AFTPH: variants seen among roughly 807,000 people sequenced by gnomAD.
AFTPH encodes the protein aftiphilin protein.
A neutral mutation model predicts 72.5 loss-of-function variants in AFTPH; 7 were observed. The observed-to-expected ratio is 0.10, with a 90% CI of 0.05 to 0.18. AFTPH has a LOEUF of 0.18. Among genes scored for constraint, AFTPH ranks in the 10% least tolerant of loss-of-function variants. The pLI, the probability that AFTPH is intolerant of heterozygous loss-of-function variation, is 1.00. For missense variants in AFTPH, 979 were observed against 1,060.5 expected (o/e 0.92, Z 1.07); for synonymous variants, 337 against 370.1 (o/e 0.91, Z 1.03).
chr2:64,524,785 CTT>C (rs1669146999), intron 1 of AFTPH, among the ~76,000 whole-genome samples, 173 bp downstream of exon 1: 1 of 152,240 alleles, frequency 6.6e-6, no homozygotes, highest in Non-Finnish European at 1.5e-5. Context: ...GCTCTGCTCT[CTT>C]CTGCGGCGAG....
At chr2:64,550,677 GCACACACACACACACACACACACA>G (rs56139158) in intron 1 of AFTPH, among the ~76,000 whole-genome samples, 13 of 130,234 alleles carry the variant, frequency 1.0e-4, no homozygotes, top group South Asian at 2.6e-4. Context: ...CTGTACGCAT[GCACACACACACACACACACACACA>G]CACACACACA....
chr2:64,557,027 CA>C (rs1419633878), intron 2 of AFTPH, among the ~76,000 whole-genome samples: 3 of 152,150 alleles, frequency 2.0e-5, no homozygotes, highest in Non-Finnish European at 2.9e-5. Flanking sequence ...ACAACAACAA[CA>C]AAACCTTCCT....
At chr2:64,587,525 G>A (rs1673586410) in intron 8 of AFTPH, among the ~76,000 whole-genome samples, 1 of 152,130 alleles carries the variant, frequency 6.6e-6, no homozygotes, top group African/African-American at 2.4e-5. Context: ...CTTGAATAAA[G>A]TAAACTGCAA....
intron 2 of AFTPH, among the ~76,000 whole-genome samples, chr2:64,562,286 T>C (rs903408930): frequency 3.3e-5 from 5 of 152,040 alleles, no homozygotes; most frequent in Non-Finnish European, 5.9e-5. Flanking sequence ...TAAGATATAC[T>C]TTTATAAGTA....
intron 2 of AFTPH, among the ~76,000 whole-genome samples, chr2:64,556,134 C>T (rs1425507742): frequency 6.6e-6 from 1 of 152,036 alleles, no homozygotes; most frequent in East Asian, 1.9e-4. Flanking sequence ...ACTACAGGCC[C>T]ATGCCACCAC....
chr2:64,559,711 T>C (rs567811758), intron 2 of AFTPH, among the ~76,000 whole-genome samples: 92 of 152,268 alleles, frequency 6.0e-4, no homozygotes, highest in African/African-American at 2.1e-3. Flanking sequence ...TCGCGTTCTT[T>C]GGTTTGTTTT....
chr2:64,527,668 A>G (rs549617146), intron 1 of AFTPH, among the ~76,000 whole-genome samples: 13 of 152,344 alleles, frequency 8.5e-5, no homozygotes, highest in African/African-American at 3.1e-4. Flanking sequence ...GTATATTTAA[A>G]AAAAGGACAG....
At chr2:64,531,103 A>G (rs886171453) in intron 1 of AFTPH, among the ~76,000 whole-genome samples, 1 of 151,050 alleles carries the variant, frequency 6.6e-6, no homozygotes, top group Non-Finnish European at 1.5e-5. Flanking sequence ...GAAAAAAACC[A>G]TGCTTTTTAA....
chr2:64,540,854 T>C (rs7589703), intron 1 of AFTPH, among the ~76,000 whole-genome samples: 61,590 of 151,914 alleles, frequency 0.41, 12,652 homozygotes, highest in African/African-American at 0.48. Flanking sequence ...TTGGCATTTT[T>C]GTTGGTTATA....
At chr2:64,553,744 G>A (rs1470164476) in intron 2 of AFTPH, among the ~76,000 whole-genome samples, 1 of 147,566 alleles carries the variant, frequency 6.8e-6, no homozygotes, top group African/African-American at 2.5e-5. Flanking sequence ...CTAATTGACG[G>A]TTCCAGTCAA....
chr2:64,541,404 T>C (rs900087203), intron 1 of AFTPH, among the ~76,000 whole-genome samples: 1 of 152,142 alleles, frequency 6.6e-6, no homozygotes, highest in African/African-American at 2.4e-5. Context: ...TTAATTTCTG[T>C]TGTGCTAATA....
At chr2:64,530,316 T>C (rs1218761845) in intron 1 of AFTPH, among the ~76,000 whole-genome samples, 1 of 152,228 alleles carries the variant, frequency 6.6e-6, no homozygotes, top group Non-Finnish European at 1.5e-5. Flanking sequence ...TCATCTAAAC[T>C]AATATTCAAG....
rs1673392617 is a variant in AFTPH, at chr2:64,584,601, T to TTC, written c.2456-820_2456-819insCT. On this transcript the variant is annotated intron_variant, in intron 7 of 8. Coordinates refer to ENST00000238856, the Ensembl canonical transcript of AFTPH. ...ATTAGTCCTTAGTCATGATTTTTTT[T>TTC]TTTTTTTTTTTTTGAGACGCAGTCT... is the stretch of plus-strand genomic sequence containing the variant. 2.7e-5 allele frequency among the ~76,000 whole-genome samples: 4 copies of TTC among 148,620 alleles called. No homozygotes were observed. The South Asian group carries it at 8.8e-4, about 33-fold the overall frequency.
At chr2:64,553,036 G>C (rs1671145529) in exon 2 of AFTPH, 1 of 1,614,038 alleles carries the variant, frequency 6.2e-7, no homozygotes, top group Non-Finnish European at 8.5e-7. Flanking sequence ...AGTGGAACAG[G>C]CACTGAACCT....
At chr2:64,530,828 G>A (rs1228634349) in intron 1 of AFTPH, among the ~76,000 whole-genome samples, 5 of 151,924 alleles carry the variant, frequency 3.3e-5, no homozygotes, top group Admixed American at 6.6e-5. Flanking sequence ...TTGGGAGGCC[G>A]AGGCGGGAGT....
At chr2:64,541,136 A>C (rs1416294362) in intron 1 of AFTPH, among the ~76,000 whole-genome samples, 1 of 142,112 alleles carries the variant, frequency 7.0e-6, no homozygotes, top group African/African-American at 3.1e-5. Context: ...TCCACCTCAT[A>C]TGATAGTATG....
intron 1 of AFTPH, among the ~76,000 whole-genome samples, chr2:64,540,957 A>G (rs558518891): frequency 1.6e-3 from 239 of 152,260 alleles, no homozygotes; most frequent in African/African-American, 5.6e-3. Flanking sequence ...GCCTTTTTGT[A>G]AGAATTTTTA....
chr2:64,572,624 T>C (rs1454060086), intron 5 of AFTPH, among the ~76,000 whole-genome samples: 1 of 152,216 alleles, frequency 6.6e-6, no homozygotes, highest in Non-Finnish European at 1.5e-5. Flanking sequence ...AAAGTCTTGC[T>C]TTAAAAACTT....
At chr2:64,573,317 C>G (rs1482669950) in intron 6 of AFTPH, among the ~76,000 whole-genome samples, 3 of 151,724 alleles carry the variant, frequency 2.0e-5, no homozygotes, top group Non-Finnish European at 4.4e-5. Context: ...ACTATCCAGG[C>G]CTTAGTCTCT....
Sources: gnomAD v4.1 joint callset for allele counts (sites outside exome capture counted in the v4.1 genomes callset) on GRCh38, gnomAD v4.1.1 for gene constraint, MANE v1.5 for transcripts, NCBI Gene and HGNC (gene_info 2026-07-23, HGNC 2026-07-21) for gene names.